The following KCNIP4 variants were observed in gnomAD, a reference collection of about 807,000 sequenced individuals.
KCNIP4 encodes the protein potassium voltage-gated channel interacting protein 4, also known as Kv channel-interacting protein 4.
KCNIP4 carries 12 observed loss-of-function variants against 34.0 expected under a neutral mutation model. The observed-to-expected ratio is 0.35, with a 90% CI of 0.23 to 0.57. KCNIP4 has a LOEUF of 0.57. Among genes scored for constraint, KCNIP4 ranks in the 20% least tolerant of loss-of-function variants. The probability of loss-of-function intolerance (pLI) is 0.83; values close to 1 mark genes in which losing one functional copy is unlikely to be tolerated. For synonymous variants in KCNIP4, 124 were observed against 102.2 expected, an observed-to-expected ratio of 1.21 and a Z score of -1.29; for missense variants, 238 against 311.7, an observed-to-expected ratio of 0.76 and a Z score of 1.78.
intron 1 of KCNIP4, among the ~76,000 whole-genome samples, chr4:21,416,048 G>A (rs931162083): frequency 6.6e-6 from 1 of 152,222 alleles, no homozygotes; most frequent in Non-Finnish European, 1.5e-5. Context: ...CAGAAGGCTG[G>A]AAGGCACAGC....
intron 1 of KCNIP4, among the ~76,000 whole-genome samples, chr4:21,566,200 G>A (rs1739867237): frequency 6.6e-6 from 1 of 152,182 alleles, no homozygotes; most frequent in South Asian, 2.1e-4. Context: ...GCAATAGTGT[G>A]AAGAATGAGT....
chr4:21,519,450 ATATACACATATGTGTGTATGTGTATGTG>A (rs199549544), intron 1 of KCNIP4, among the ~76,000 whole-genome samples: 1,995 of 100,494 alleles, frequency 0.02, 389 homozygotes, highest in African/African-American at 0.033. Flanking sequence ...ATGTATGTGT[ATATACACATATGTGTGTATGTGTATGTG>A]TATATACACA....
At chr4:21,495,208 T>C (rs971304101) in intron 1 of KCNIP4, among the ~76,000 whole-genome samples, 4 of 149,972 alleles carry the variant, frequency 2.7e-5, no homozygotes, top group African/African-American at 1.0e-4. Flanking sequence ...GTTTGGTCAG[T>C]AAAGGGTGCT....
intron 1 of KCNIP4, among the ~76,000 whole-genome samples, chr4:21,368,671 C>T (rs569438159): frequency 6.8e-6 from 1 of 147,346 alleles, no homozygotes; most frequent in East Asian, 2.0e-4. Flanking sequence ...TACCATACTA[C>T]CTAGATTTTC....
chr4:21,630,106 C>T (rs946537623), intron 1 of KCNIP4, among the ~76,000 whole-genome samples: 5 of 150,568 alleles, frequency 3.3e-5, no homozygotes, highest in Non-Finnish European at 7.4e-5. Context: ...TCAAGTGATC[C>T]TTCCACCTTG....
chr4:21,069,943 C>A (rs114609677), intron 1 of KCNIP4, among the ~76,000 whole-genome samples: 28 of 152,198 alleles, frequency 1.8e-4, no homozygotes, highest in Non-Finnish European at 2.9e-4. Context: ...AAAAAATATT[C>A]TATCACCACA....
At chr4:20,850,489 C>T in intron 3 of KCNIP4, 54 bp downstream of exon 3, 1 of 1,584,518 alleles carries the variant, frequency 6.3e-7, no homozygotes, top group Admixed American at 1.7e-5. Flanking sequence ...CCTCTCATTT[C>T]TCAATGCTCC....
At chr4:21,364,188 A>G (rs1719497422) in intron 1 of KCNIP4, among the ~76,000 whole-genome samples, 1 of 152,184 alleles carries the variant, frequency 6.6e-6, no homozygotes. Flanking sequence ...TAATAGGCTT[A>G]CAACAACCAT....
At chr4:21,757,658 CA>C (rs1717755714) in intron 1 of KCNIP4, among the ~76,000 whole-genome samples, 1 of 152,148 alleles carries the variant, frequency 6.6e-6, no homozygotes, top group South Asian at 2.1e-4. Context: ...TTTCTAGCAA[CA>C]AAAATATCAT....
chr4:21,413,558 A>T (rs1336581265), intron 1 of KCNIP4, among the ~76,000 whole-genome samples: 1 of 152,188 alleles, frequency 6.6e-6, no homozygotes, highest in Non-Finnish European at 1.5e-5. Context: ...TTGCTCATAC[A>T]GCACTCATCC....
At chr4:21,636,173 T>A (rs138491547) in intron 1 of KCNIP4, among the ~76,000 whole-genome samples, 1,668 of 147,162 alleles carry the variant, frequency 0.011, 39 homozygotes, top group African/African-American at 0.039. Context: ...TAGCATTAGG[T>A]GATATACCTA....
intron 1 of KCNIP4, among the ~76,000 whole-genome samples, chr4:21,472,305 G>A (rs1730538468): frequency 6.6e-6 from 1 of 152,054 alleles, no homozygotes. Context: ...CGAGATCGTA[G>A]GAGATGGTAG....
At chr4:21,107,583 C>T (rs138078743) in intron 1 of KCNIP4, among the ~76,000 whole-genome samples, 21,646 of 147,570 alleles carry the variant, frequency 0.15, 1,945 homozygotes, top group East Asian at 0.23. Flanking sequence ...TTAATTGGAG[C>T]ATTTAGTCCA....
chr4:21,798,404 CATAT>C (rs112991875), intron 1 of KCNIP4, among the ~76,000 whole-genome samples: 83 of 129,630 alleles, frequency 6.4e-4, no homozygotes, highest in African/African-American at 1.4e-3. Flanking sequence ...CAAAAAAATA[CATAT>C]ATATATATAT....
At chr4:20,818,034 A>T (rs916644108) in intron 3 of KCNIP4, among the ~76,000 whole-genome samples, 1 of 152,186 alleles carries the variant, frequency 6.6e-6, no homozygotes, top group East Asian at 1.9e-4. Context: ...ACTGAAAATA[A>T]ATGTCTACTG....
chr4:21,205,227 G>A lies in KCNIP4; in HGVS notation c.62-322518C>T, dbSNP rs574531323. The stretch of plus-strand genomic sequence containing the variant: ...CCATTTAATTCTTTTCTGAGAGCAC[G>A]TTCTAAGTTTGGGCATGAATATGTC... On this transcript the variant is annotated intron_variant, in intron 1 of 8. Coordinates refer to ENST00000382152, the MANE Select transcript of KCNIP4 (RefSeq NM_025221.6). Among the ~76,000 whole-genome samples, 5 of 152,250 alleles carry A rather than the reference G, an allele frequency of 3.3e-5. No individual in the cohort carries two copies. The South Asian group carries it at 8.3e-4, about 25-fold the overall frequency.
intron 1 of KCNIP4, among the ~76,000 whole-genome samples, chr4:21,130,253 T>G (rs574977230): frequency 6.6e-6 from 1 of 152,344 alleles, no homozygotes; most frequent in East Asian, 1.9e-4. Context: ...CAGAGAGTCT[T>G]AATCAGTTGC....
chr4:20,851,000 T>C (rs940466559), intron 2 of KCNIP4, among the ~76,000 whole-genome samples: 1 of 147,848 alleles, frequency 6.8e-6, no homozygotes, highest in Admixed American at 7.0e-5. Context: ...AGTAGCAATA[T>C]ATATTACTCT....
At chr4:20,853,284 A>G (rs1721225889) in intron 2 of KCNIP4, among the ~76,000 whole-genome samples, 1 of 152,040 alleles carries the variant, frequency 6.6e-6, no homozygotes, top group Non-Finnish European at 1.5e-5. Flanking sequence ...TACTGGTATG[A>G]AAATTGGCAC....
Sources: allele counts gnomAD v4.1 joint callset (sites outside exome capture counted in the v4.1 genomes callset), GRCh38; gene constraint gnomAD v4.1.1; transcripts MANE v1.5; gene names NCBI Gene and HGNC (gene_info 2026-07-23, HGNC 2026-07-21).